Variants in COBLL1 observed in about 807,000 individuals in gnomAD.
The protein encoded by COBLL1 is cordon-bleu protein-like 1.
In COBLL1, 50 loss-of-function variants were observed where a neutral mutation model predicts 94.8. The observed-to-expected ratio is 0.53, with a 90% CI of 0.42 to 0.67. COBLL1 has a LOEUF of 0.67. COBLL1 is among the 30% of genes least tolerant of loss of function. The pLI, the probability that COBLL1 is intolerant of heterozygous loss-of-function variation, is 0.00. For missense variants in COBLL1, 1,362 were observed against 1,348.7 expected (o/e 1.01, Z -0.15); for synonymous variants, 448 against 473.8 (o/e 0.95, Z 0.71).
chr2:164,789,525 G>A (rs1683071952), intron 2 of COBLL1, among the ~76,000 whole-genome samples: 1 of 152,190 alleles, frequency 6.6e-6, no homozygotes. Flanking sequence ...ATAAGAATAT[G>A]TGGGGAAGGA....
intron 7 of COBLL1, among the ~76,000 whole-genome samples, chr2:164,708,083 T>A (rs1003520217): frequency 6.6e-6 from 1 of 152,114 alleles, no homozygotes; most frequent in South Asian, 2.1e-4. Flanking sequence ...AAACCTCTCA[T>A]AAACCCACTA....
chr2:164,746,642 G>A (rs1248801390), intron 2 of COBLL1, among the ~76,000 whole-genome samples: 3 of 151,962 alleles, frequency 2.0e-5, no homozygotes, highest in Non-Finnish European at 4.4e-5. Flanking sequence ...CTCAATTTAT[G>A]ACGAGGTTAC....
chr2:164,753,195 T>G (rs934955151), intron 2 of COBLL1, among the ~76,000 whole-genome samples: 9 of 152,130 alleles, frequency 5.9e-5, no homozygotes, highest in Non-Finnish European at 8.8e-5. Flanking sequence ...TCTCTTGGCA[T>G]TCACACTAGG....
intron 3 of COBLL1, among the ~76,000 whole-genome samples, chr2:164,736,033 T>C (rs912266940): frequency 6.6e-6 from 1 of 152,158 alleles, no homozygotes; most frequent in East Asian, 1.9e-4. Flanking sequence ...TAAGATAATA[T>C]AATAATTTTC....
chr2:164,774,980 T>A (rs1688392765), intron 2 of COBLL1, among the ~76,000 whole-genome samples: 1 of 151,900 alleles, frequency 6.6e-6, no homozygotes, highest in Non-Finnish European at 1.5e-5. Flanking sequence ...ATATCTTAAA[T>A]ATATACAATA....
chr2:164,798,130 G>A (rs916660465), intron 2 of COBLL1, among the ~76,000 whole-genome samples: 22 of 152,130 alleles, frequency 1.4e-4, no homozygotes, highest in African/African-American at 5.3e-4. Flanking sequence ...TACTCTCACT[G>A]CAGAATTCTG....
intron 2 of COBLL1, among the ~76,000 whole-genome samples, chr2:164,745,648 G>C (rs958423900): frequency 1.3e-5 from 2 of 152,172 alleles, no homozygotes; most frequent in African/African-American, 4.8e-5. Context: ...AGATGGTGCA[G>C]CTGCGGGTCA....
At chr2:164,833,121 G>T (rs1194665752) in intron 2 of COBLL1, among the ~76,000 whole-genome samples, 1 of 152,120 alleles carries the variant, frequency 6.6e-6, no homozygotes, top group African/African-American at 2.4e-5. Flanking sequence ...CACTTTAGGA[G>T]GCTGAGGCGA....
intron 2 of COBLL1, among the ~76,000 whole-genome samples, chr2:164,800,260 C>T (rs888466428): frequency 6.6e-6 from 1 of 152,004 alleles, no homozygotes; most frequent in Non-Finnish European, 1.5e-5. Flanking sequence ...AAAAATTGGC[C>T]AGGGACTTAA....
intron 7 of COBLL1, among the ~76,000 whole-genome samples, chr2:164,709,125 C>A (rs890659191): frequency 1.3e-5 from 2 of 152,112 alleles, no homozygotes; most frequent in Admixed American, 6.5e-5. Flanking sequence ...GGCTAGAGGT[C>A]TTAAAATAAG....
intron 3 of COBLL1, among the ~76,000 whole-genome samples, chr2:164,735,260 C>G (rs1275935009): frequency 6.6e-6 from 1 of 152,156 alleles, no homozygotes; most frequent in African/African-American, 2.4e-5. Context: ...ACAACTGACA[C>G]ATGAGAAAGC....
intron 9 of COBLL1, chr2:164,703,165 C>T: frequency 1.2e-6 from 2 of 1,613,892 alleles, no homozygotes; most frequent in Admixed American, 1.7e-5. Flanking sequence ...AGGTTTCCTC[C>T]ATCAGTTTGG....
chr2:164,786,876 C>T (rs1171206336), intron 2 of COBLL1, among the ~76,000 whole-genome samples: 1 of 152,098 alleles, frequency 6.6e-6, no homozygotes, highest in Non-Finnish European at 1.5e-5. Context: ...ATGTATCTTG[C>T]TTTTTTCTTG....
chr2:164,830,105 T>C (rs1211457173), intron 2 of COBLL1, among the ~76,000 whole-genome samples: 1 of 152,226 alleles, frequency 6.6e-6, no homozygotes, highest in Non-Finnish European at 1.5e-5. Flanking sequence ...TAAAAGATGC[T>C]GACCATGGAA....
chr2:164,703,290 G>A, intron 9 of COBLL1: 1 of 936,830 alleles, frequency 1.1e-6, no homozygotes, highest in Non-Finnish European at 1.7e-6. Flanking sequence ...AGACCAAGAA[G>A]CATTTTGGAA....
intron 13 of COBLL1, chr2:164,687,543 GACCAC>G (rs1357103587): frequency 3.1e-6 from 4 of 1,280,448 alleles, no homozygotes; most frequent in Admixed American, 1.7e-5. Flanking sequence ...TGTGACCCCT[GACCAC>G]AGTGCCCTGG....
At chr2:164,729,634 A>G (rs1685883610) in intron 4 of COBLL1, among the ~76,000 whole-genome samples, 2 of 152,170 alleles carry the variant, frequency 1.3e-5, no homozygotes, top group African/African-American at 4.8e-5. Flanking sequence ...CTTCCTTTAC[A>G]TATACTTTTT....
At chr2:164,800,783 T>C (rs1683734856) in intron 2 of COBLL1, among the ~76,000 whole-genome samples, 1 of 151,950 alleles carries the variant, frequency 6.6e-6, no homozygotes, top group Non-Finnish European at 1.5e-5. Context: ...TTATACCGAG[T>C]GAAAAAAAGT....
chr2:164,679,782 G>A (rs184503133), downstream of COBLL1, among the ~76,000 whole-genome samples: 388 of 151,684 alleles, frequency 2.6e-3, 1 homozygote, highest in South Asian at 7.6e-3. Context: ...GGCCTCTCGG[G>A]GGGTGGGGGC....
Sources: gnomAD v4.1 joint callset for allele counts (sites outside exome capture counted in the v4.1 genomes callset) on GRCh38, gnomAD v4.1.1 for gene constraint, MANE v1.5 for transcripts, NCBI Gene and HGNC (gene_info 2026-07-23, HGNC 2026-07-21) for gene names.